CAMK4: variants seen among roughly 807,000 people sequenced by gnomAD.
CAMK4 encodes calcium/calmodulin dependent protein kinase IV.
Under a neutral mutation model 44.9 loss-of-function variants are expected in CAMK4, and 22 were observed. That is an observed-to-expected ratio of 0.49 (90% CI 0.35 to 0.70). The LOEUF is 0.70. Among genes scored for constraint, CAMK4 ranks in the 30% least tolerant of loss-of-function variants. The probability of loss-of-function intolerance (pLI) is 0.01; values close to 1 mark genes in which losing one functional copy is unlikely to be tolerated. For synonymous variants in CAMK4, 218 were observed against 215.4 expected, an observed-to-expected ratio of 1.01 and a Z score of -0.11; for missense variants, 498 against 586.8, an observed-to-expected ratio of 0.85 and a Z score of 1.56.
At chr5:111,395,394 G>A (rs1251983511) in intron 5 of CAMK4, among the ~76,000 whole-genome samples, 1 of 150,742 alleles carries the variant, frequency 6.6e-6, no homozygotes, top group East Asian at 1.9e-4. Context: ...AGATTTTGGT[G>A]CCTTTATTTG....
At chr5:111,285,881 C>G (rs1389332457) in intron 1 of CAMK4, among the ~76,000 whole-genome samples, 1 of 152,156 alleles carries the variant, frequency 6.6e-6, no homozygotes, top group Non-Finnish European at 1.5e-5. Context: ...TCATCCATTT[C>G]TCTGATAAAG....
At chr5:111,436,339 T>C (rs1406698515) in intron 5 of CAMK4, among the ~76,000 whole-genome samples, 1 of 152,210 alleles carries the variant, frequency 6.6e-6, no homozygotes, top group African/African-American at 2.4e-5. Context: ...TGACTTAGTA[T>C]GTAGAGGAGA....
chr5:111,301,482 T>C (rs1747716194), intron 1 of CAMK4, among the ~76,000 whole-genome samples: 1 of 152,190 alleles, frequency 6.6e-6, no homozygotes, highest in South Asian at 2.1e-4. Flanking sequence ...GGAAACTATG[T>C]CTAGTAGGAT....
intron 5 of CAMK4, among the ~76,000 whole-genome samples, chr5:111,408,283 A>G (rs1169130663): frequency 6.6e-6 from 1 of 152,184 alleles, no homozygotes; most frequent in Non-Finnish European, 1.5e-5. Context: ...AGTAATTTAT[A>G]AAGAAAAGAG....
intron 1 of CAMK4, among the ~76,000 whole-genome samples, chr5:111,233,831 TTA>T (rs1748585012): frequency 6.6e-6 from 1 of 152,200 alleles, no homozygotes; most frequent in Non-Finnish European, 1.5e-5. Flanking sequence ...TACTCCTTTT[TTA>T]TATATTGAAT....
intron 4 of CAMK4, among the ~76,000 whole-genome samples, chr5:111,393,418 T>G (rs1751882453): frequency 6.6e-6 from 1 of 152,190 alleles, no homozygotes; most frequent in Non-Finnish European, 1.5e-5. Flanking sequence ...TCAAATGTGA[T>G]TCTATCCCCT....
chr5:111,317,599 A>G (rs1291940069), intron 1 of CAMK4, among the ~76,000 whole-genome samples: 1 of 152,112 alleles, frequency 6.6e-6, no homozygotes, highest in Admixed American at 6.6e-5. Context: ...GATCCTTATA[A>G]TGAGTCCATG....
chr5:111,246,009 TA>T (rs1749219649), intron 1 of CAMK4, among the ~76,000 whole-genome samples: 1 of 152,232 alleles, frequency 6.6e-6, no homozygotes, highest in African/African-American at 2.4e-5. Flanking sequence ...CAGGGATTTC[TA>T]ACTTTAATCC....
At chr5:111,386,356 C>A (rs1266041391) in intron 4 of CAMK4, among the ~76,000 whole-genome samples, 1 of 152,204 alleles carries the variant, frequency 6.6e-6, no homozygotes, top group African/African-American at 2.4e-5. Context: ...CTTCAGTACA[C>A]ATTCTCATCA....
chr5:111,476,263 GTGTGTGTT>G (rs1389831693), intron 8 of CAMK4, among the ~76,000 whole-genome samples: 5 of 134,348 alleles, frequency 3.7e-5, no homozygotes, highest in Middle Eastern at 3.8e-3. Flanking sequence ...GTGTGTGTGT[GTGTGTGTT>G]TGTGTGTGTG....
chr5:111,281,213 G>A (rs1751001045), intron 1 of CAMK4, among the ~76,000 whole-genome samples: 1 of 152,172 alleles, frequency 6.6e-6, no homozygotes, highest in Non-Finnish European at 1.5e-5. Context: ...AAAAATTTCT[G>A]ATGGTGACAT....
At chr5:111,380,923 C>T (rs1383373908) in intron 4 of CAMK4, among the ~76,000 whole-genome samples, 2 of 152,124 alleles carry the variant, frequency 1.3e-5, no homozygotes, top group Non-Finnish European at 2.9e-5. Flanking sequence ...CTTGTCAAGT[C>T]TTATTCACAA....
intron 1 of CAMK4, among the ~76,000 whole-genome samples, chr5:111,259,642 G>GA: frequency 6.6e-6 from 1 of 152,230 alleles, no homozygotes; most frequent in Non-Finnish European, 1.5e-5. Context: ...GGTGTCCTTT[G>GA]AAAAAATGCC....
chr5:111,467,372 G>GAAAA (rs1754873085), intron 7 of CAMK4, among the ~76,000 whole-genome samples: 1 of 16,806 alleles, frequency 6.0e-5, no homozygotes, highest in Admixed American at 7.8e-4. Flanking sequence ...CTTCTGCATA[G>GAAAA]CAAAAAAAAA....
chr5:111,236,999 C>T (rs1262668745), intron 1 of CAMK4, among the ~76,000 whole-genome samples: 1 of 152,152 alleles, frequency 6.6e-6, no homozygotes, highest in African/African-American at 2.4e-5. Context: ...TATACGAACC[C>T]ACTTCTAAAC....
At chr5:111,300,919 C>T (rs957201255) in intron 1 of CAMK4, among the ~76,000 whole-genome samples, 1 of 152,100 alleles carries the variant, frequency 6.6e-6, no homozygotes, top group Admixed American at 6.5e-5. Context: ...TGTTTGAAAA[C>T]ATCTCTCTGT....
intron 5 of CAMK4, among the ~76,000 whole-genome samples, chr5:111,412,104 A>G (rs1752652105): frequency 6.6e-6 from 1 of 152,196 alleles, no homozygotes; most frequent in African/African-American, 2.4e-5. Context: ...AATCTGAACT[A>G]AAAATAGTAA....
chr5:111,271,127 A>C (rs1750496312), intron 1 of CAMK4, among the ~76,000 whole-genome samples: 1 of 152,198 alleles, frequency 6.6e-6, no homozygotes, highest in Non-Finnish European at 1.5e-5. Context: ...CTCCCTTGAC[A>C]CTTGGGGATA....
chr5:111,379,678 T>C (rs1164431508), intron 4 of CAMK4, among the ~76,000 whole-genome samples: 2 of 152,124 alleles, frequency 1.3e-5, no homozygotes, highest in Non-Finnish European at 2.9e-5. Flanking sequence ...CAAAACAAAT[T>C]TACTTAATTG....
Sources: allele counts gnomAD v4.1 joint callset (sites outside exome capture counted in the v4.1 genomes callset), GRCh38; gene constraint gnomAD v4.1.1; transcripts MANE v1.5; gene names NCBI Gene and HGNC (gene_info 2026-07-23, HGNC 2026-07-21).